Variants in CDK14 observed in about 807,000 individuals in gnomAD.
The protein encoded by CDK14 is cyclin dependent kinase 14.
A neutral mutation model predicts 60.7 loss-of-function variants in CDK14; 34 were observed. The observed-to-expected ratio is 0.56, with a 90% confidence interval of 0.43 to 0.75. The LOEUF is 0.75. Ranked by LOEUF, CDK14 falls within the 30% of genes least tolerant of loss-of-function variation. The pLI is 0.00. For synonymous variants in CDK14, 197 were observed against 203.7 expected, an observed-to-expected ratio of 0.97 and a Z score of 0.28; for missense variants, 482 against 564.1, an observed-to-expected ratio of 0.85 and a Z score of 1.47.
intron 2 of CDK14, among the ~76,000 whole-genome samples, chr7:90,713,815 T>G (rs1211145469): frequency 6.6e-6 from 1 of 152,082 alleles, no homozygotes; most frequent in Admixed American, 6.6e-5. Context: ...CCATCTCCTG[T>G]GTTTATTTTC....
At chr7:91,070,497 G>A (rs1053762674) in intron 11 of CDK14, among the ~76,000 whole-genome samples, 17 of 152,186 alleles carry the variant, frequency 1.1e-4, no homozygotes, top group Middle Eastern at 3.2e-3. Context: ...TGTGGCTCAT[G>A]CCTATAATTC....
At chr7:90,619,375 T>G (rs573309752) in intron 2 of CDK14, among the ~76,000 whole-genome samples, 96 of 152,338 alleles carry the variant, frequency 6.3e-4, no homozygotes, top group African/African-American at 2.1e-3. Context: ...AGATACAGCC[T>G]GAAAACTCAA....
intron 11 of CDK14, among the ~76,000 whole-genome samples, chr7:91,073,953 C>G (rs1011495198): frequency 5.9e-5 from 9 of 152,256 alleles, no homozygotes; most frequent in African/African-American, 2.2e-4. Context: ...GAACAACTAA[C>G]TATCCAAAAT....
At chr7:91,119,025 G>C (rs1254347838) in intron 14 of CDK14, among the ~76,000 whole-genome samples, 1 of 151,482 alleles carries the variant, frequency 6.6e-6, no homozygotes, top group Non-Finnish European at 1.5e-5. Context: ...AAAATTTTTA[G>C]TGTGTGTGTG....
chr7:90,931,286 C>T (rs1793583520), intron 8 of CDK14, among the ~76,000 whole-genome samples: 1 of 152,188 alleles, frequency 6.6e-6, no homozygotes. Context: ...AAACATAGCA[C>T]TTTTACCCAC....
chr7:90,929,980 A>G (rs1305340375), intron 8 of CDK14, among the ~76,000 whole-genome samples: 12 of 152,222 alleles, frequency 7.9e-5, no homozygotes, highest in African/African-American at 2.7e-4. Flanking sequence ...AAACACAGAA[A>G]TCTACATGTA....
At chr7:91,130,106 T>C (rs893606066) in intron 14 of CDK14, among the ~76,000 whole-genome samples, 1 of 152,172 alleles carries the variant, frequency 6.6e-6, no homozygotes, top group Admixed American at 6.6e-5. Context: ...AAAATACTTT[T>C]TTCTTTTCCA....
At position 90,750,537 on chromosome 7, in the gene CDK14, C is replaced by T. The variant is rs142451145; in HGVS notation, c.464+2762C>T. Among the ~76,000 whole-genome samples, 8 of 152,296 alleles carry T rather than the reference C, an allele frequency of 5.3e-5. No individual in the cohort carries two copies. In the East Asian group the frequency reaches 1.4e-3, roughly 26 times the overall value. ...GAGATATAACATCTTAAAAGGAAATCAGTCAGCGTTTCTAGAATTGAAAAG... is the reference window on the plus strand; with the variant it reads ...GAGATATAACATCTTAAAAGGAAATTAGTCAGCGTTTCTAGAATTGAAAAG... On this transcript the variant is annotated intron_variant, in intron 4 of 14. Transcript: ENST00000380050.
At chr7:90,948,011 TATA>T (rs1794151371) in intron 8 of CDK14, among the ~76,000 whole-genome samples, 1 of 152,214 alleles carries the variant, frequency 6.6e-6, no homozygotes, top group Admixed American at 6.5e-5. Context: ...TACATACTTG[TATA>T]ATGTTTTGAG....
At chr7:91,057,725 A>G (rs1352582420) in intron 11 of CDK14, among the ~76,000 whole-genome samples, 6 of 152,064 alleles carry the variant, frequency 3.9e-5, no homozygotes, top group Admixed American at 6.6e-5. Context: ...TAGATATGCG[A>G]CATTATTTCT....
intron 14 of CDK14, among the ~76,000 whole-genome samples, chr7:91,172,977 T>C (rs1216492033): frequency 6.6e-6 from 1 of 152,184 alleles, no homozygotes; most frequent in Non-Finnish European, 1.5e-5. Flanking sequence ...TGCCCAAACT[T>C]TCTTAATTTT....
chr7:90,871,126 A>T (rs1040765141), intron 6 of CDK14, among the ~76,000 whole-genome samples: 6 of 152,122 alleles, frequency 3.9e-5, no homozygotes, highest in Non-Finnish European at 5.9e-5. Flanking sequence ...AATGACTCAG[A>T]TAGTGGTGGT....
intron 9 of CDK14, among the ~76,000 whole-genome samples, chr7:90,968,975 G>A (rs1338906078): frequency 1.3e-5 from 2 of 152,188 alleles, no homozygotes; most frequent in Admixed American, 6.5e-5. Flanking sequence ...TCCTGCCCTC[G>A]AGCAGCACCC....
Position 90,815,622 on chromosome 7 carries a change from G to A in CDK14, c.544+24970G>A, listed in dbSNP as rs374958364. On this transcript the variant is annotated intron_variant, in intron 5 of 14. Coordinates refer to ENST00000380050, the MANE Select transcript of CDK14 (RefSeq NM_001287135.2). ...ACTATAAAGACACATACACACATAT[G>A]TTTATTGTGGCATTATTCACAATAG... Among the ~76,000 whole-genome samples the A allele has an allele frequency of 2.6e-5, 4 of 152,210 alleles. No homozygotes were observed. The East Asian group carries it at 5.8e-4, about 22-fold the overall frequency.
chr7:90,882,890 C>G (rs1220524547), intron 6 of CDK14, among the ~76,000 whole-genome samples: 2 of 152,146 alleles, frequency 1.3e-5, no homozygotes, highest in Non-Finnish European at 1.5e-5. Flanking sequence ...TTCCTTGAAA[C>G]CAGTGAGAAC....
At chr7:90,877,350 G>T (rs192796553) in intron 6 of CDK14, among the ~76,000 whole-genome samples, 117 of 152,170 alleles carry the variant, frequency 7.7e-4, no homozygotes, top group Admixed American at 1.7e-3. Flanking sequence ...TTTCTCACTG[G>T]TATATTCAAG....
At chr7:90,645,425 TC>T (rs2116455977) in intron 2 of CDK14, among the ~76,000 whole-genome samples, 1 of 152,258 alleles carries the variant, frequency 6.6e-6, no homozygotes, top group African/African-American at 2.4e-5. Context: ...TCCTTTTTTT[TC>T]CCCCGTAACT....
chr7:90,709,754 T>A, intron 2 of CDK14: 1 of 1,424,842 alleles, frequency 7.0e-7, no homozygotes, highest in Non-Finnish European at 9.2e-7. Context: ...TTAGCTTCTC[T>A]TAGGGGATTT....
At chr7:91,061,151 G>C (rs558435486) in intron 11 of CDK14, among the ~76,000 whole-genome samples, 4 of 151,954 alleles carry the variant, frequency 2.6e-5, no homozygotes, top group African/African-American at 9.6e-5. Flanking sequence ...TCATTCATTT[G>C]ATCTTCAGTC....
Sources: allele counts gnomAD v4.1 joint callset (sites outside exome capture counted in the v4.1 genomes callset), GRCh38; gene constraint gnomAD v4.1.1; transcripts MANE v1.5; gene names NCBI Gene and HGNC (gene_info 2026-07-23, HGNC 2026-07-21).